The following EPHA4 variants were observed in gnomAD, a reference collection of about 807,000 sequenced individuals.
The protein encoded by EPHA4 is EPH receptor A4, also known as ephrin type-A receptor 4.
Under a neutral mutation model 108.3 loss-of-function variants are expected in EPHA4, and 19 were observed. The observed-to-expected ratio is 0.18, with a 90% CI of 0.12 to 0.26. EPHA4 has a LOEUF of 0.26. Among genes scored for constraint, EPHA4 ranks in the 10% least tolerant of loss-of-function variants. The pLI is 1.00. For missense variants in EPHA4, 917 were observed against 1,254.0 expected (o/e 0.73, Z 4.06); for synonymous variants, 449 against 455.5 (o/e 0.99, Z 0.18).
intron 4 of EPHA4, among the ~76,000 whole-genome samples, chr2:221,487,154 G>A (rs1692002698): frequency 6.6e-6 from 1 of 152,088 alleles, no homozygotes; most frequent in African/African-American, 2.4e-5. Flanking sequence ...AACATTTATG[G>A]TGTATCTAGT....
At chr2:221,528,021 C>G (rs1693392143) in intron 3 of EPHA4, among the ~76,000 whole-genome samples, 2 of 151,924 alleles carry the variant, frequency 1.3e-5, no homozygotes. Context: ...CTAACCACCC[C>G]CAACCCCGCC....
At chr2:221,472,300 CAAA>C (rs11397333) in intron 5 of EPHA4, among the ~76,000 whole-genome samples, 3,198 of 115,770 alleles carry the variant, frequency 0.028, 57 homozygotes, top group South Asian at 0.09. Flanking sequence ...ACTTATTTTA[CAAA>C]AAAAAAAAAA....
intron 3 of EPHA4, among the ~76,000 whole-genome samples, chr2:221,551,698 CACTAGCCATTCTTTATCCTATGGAGGAAA>C (rs1234684248): frequency 6.6e-6 from 1 of 152,122 alleles, no homozygotes; most frequent in Non-Finnish European, 1.5e-5. Flanking sequence ...TAGTTAAGTA[CACTAGCCATTCTTTATCCTATGGAGGAAA>C]ACTTCCAAAA....
chr2:221,498,599 T>C (rs1397085828), intron 4 of EPHA4, among the ~76,000 whole-genome samples: 1 of 151,902 alleles, frequency 6.6e-6, no homozygotes, highest in Non-Finnish European at 1.5e-5. Flanking sequence ...CCTTGCCTAT[T>C]TACAGTTTTT....
chr2:221,504,832 A>C (rs1215099575), intron 3 of EPHA4, among the ~76,000 whole-genome samples: 1 of 152,192 alleles, frequency 6.6e-6, no homozygotes, highest in Non-Finnish European at 1.5e-5. Flanking sequence ...GTCCAGGGTC[A>C]TACAGTTAAG....
At chr2:221,534,990 C>G (rs1030453326) in intron 3 of EPHA4, among the ~76,000 whole-genome samples, 26 of 152,222 alleles carry the variant, frequency 1.7e-4, no homozygotes, top group Non-Finnish European at 3.5e-4. Context: ...ATCGGCAATT[C>G]GGGGTGCAGC....
At chr2:221,437,757 C>CAA (rs538233784) in intron 11 of EPHA4, among the ~76,000 whole-genome samples, 38 of 125,902 alleles carry the variant, frequency 3.0e-4, no homozygotes, top group African/African-American at 9.7e-4. Context: ...ACTAAAAATA[C>CAA]AAAAAAAAAA....
intron 2 of EPHA4, among the ~76,000 whole-genome samples, chr2:221,566,920 G>GAGA (rs1419135043): frequency 2.7e-5 from 1 of 36,546 alleles, no homozygotes. Context: ...GAAGGAGAAG[G>GAGA]AGAAGGAGAA....
intron 5 of EPHA4, among the ~76,000 whole-genome samples, chr2:221,464,367 G>A: frequency 6.6e-6 from 1 of 152,156 alleles, no homozygotes; most frequent in East Asian, 1.9e-4. Flanking sequence ...AAAGGTTTGT[G>A]CATTTTAAAA....
chr2:221,560,600 T>C (rs995745557), intron 3 of EPHA4, among the ~76,000 whole-genome samples: 1 of 152,222 alleles, frequency 6.6e-6, no homozygotes, highest in African/African-American at 2.4e-5. Context: ...AGTCAATAGC[T>C]ATGACCTTGG....
intron 8 of EPHA4, among the ~76,000 whole-genome samples, chr2:221,446,562 T>C (rs762897660): frequency 6.6e-6 from 1 of 152,194 alleles, no homozygotes. Context: ...TGTGTGTATA[T>C]GTATATATAC....
chr2:221,568,587 T>C, intron 2 of EPHA4, 131 bp downstream of exon 2: 1 of 622,038 alleles, frequency 1.6e-6, no homozygotes, highest in Non-Finnish European at 2.7e-6. Context: ...AAAGCGTAAT[T>C]CACTTCATAG....
intron 4 of EPHA4, among the ~76,000 whole-genome samples, chr2:221,495,993 G>A (rs1047316322): frequency 6.6e-6 from 1 of 152,168 alleles, no homozygotes; most frequent in African/African-American, 2.4e-5. Flanking sequence ...GTCAGCACAA[G>A]GGAATTGGGT....
At chr2:221,505,066 C>G (rs563146691) in intron 3 of EPHA4, among the ~76,000 whole-genome samples, 2 of 152,160 alleles carry the variant, frequency 1.3e-5, no homozygotes, top group East Asian at 3.9e-4. Flanking sequence ...TCTCTGTGAC[C>G]CACTTTCCAG....
At chr2:221,456,045 C>T (rs961597300) in intron 7 of EPHA4, among the ~76,000 whole-genome samples, 26 of 151,974 alleles carry the variant, frequency 1.7e-4, no homozygotes, top group Non-Finnish European at 2.6e-4. Flanking sequence ...CATTGATTAC[C>T]GGGATGGAGG....
chr2:221,511,162 G>A (rs1200478417), intron 3 of EPHA4, among the ~76,000 whole-genome samples: 1 of 151,406 alleles, frequency 6.6e-6, no homozygotes, highest in Admixed American at 6.6e-5. Flanking sequence ...TGCCAGGTTT[G>A]ATAAAAATAC....
In EPHA4 at chr2:221,501,179, G is replaced by C; in HGVS notation, c.824-7C>G. ...TAATATCCAATTTTGCAAGCTGCAG[G>C]GAAGAAGAAAAAAACAAACAAATAG... On this transcript the variant is annotated splice_region_variant and splice_polypyrimidine_tract_variant and intron_variant, in intron 3 of 17. Transcript: ENST00000281821. The C allele has an allele frequency of 6.4e-7, 1 of 1,563,658 alleles. No homozygotes were observed. The highest frequency in any genetic ancestry group is 8.6e-7 in the Non-Finnish European group (1 of 1,158,140).
chr2:221,428,527 CAGA>C (rs1354815674), intron 15 of EPHA4, among the ~76,000 whole-genome samples: 2 of 152,284 alleles, frequency 1.3e-5, no homozygotes, highest in African/African-American at 2.4e-5. Flanking sequence ...CTTATGCTAA[CAGA>C]AGAAGTACCA....
At position 221,513,588 on chromosome 2, in the gene EPHA4, G is replaced by A. The variant is rs571893751; in HGVS notation, c.824-12416C>T. Among the ~76,000 whole-genome samples the A allele has an allele frequency of 2.7e-4, 41 of 152,186 alleles. No homozygotes were observed. In the East Asian group the frequency reaches 7.2e-3, roughly 27 times the overall value. The stretch of plus-strand genomic sequence containing the variant: ...CCCCAATGCTACAGTTATTAGCAAC[G>A]TATTACGATTCTCTGCTGAGGTTTT... On this transcript the variant is annotated intron_variant, in intron 3 of 17. Coordinates refer to ENST00000281821, the MANE Select transcript of EPHA4 (RefSeq NM_004438.5).
Sources: gnomAD v4.1 joint callset for allele counts (sites outside exome capture counted in the v4.1 genomes callset) on GRCh38, gnomAD v4.1.1 for gene constraint, MANE v1.5 for transcripts, NCBI Gene and HGNC (gene_info 2026-07-23, HGNC 2026-07-21) for gene names.